Variants in PTPRD observed in about 807,000 individuals in gnomAD.
PTPRD encodes receptor-type tyrosine-protein phosphatase delta.
Under a neutral mutation model 214.5 loss-of-function variants are expected in PTPRD, and 34 were observed. That is an observed-to-expected ratio of 0.16 (90% CI 0.12 to 0.21). PTPRD has a LOEUF of 0.21. Among genes scored for constraint, PTPRD ranks in the 10% least tolerant of loss-of-function variants. PTPRD has a pLI of 1.00. For missense variants in PTPRD, 2,545 were observed against 2,398.7 expected (o/e 1.06, Z -1.27); for synonymous variants, 1,128 against 845.7 (o/e 1.33, Z -5.79).
At chr9:8,574,908 C>A (rs1051048566) in intron 14 of PTPRD, among the ~76,000 whole-genome samples, 1 of 151,642 alleles carries the variant, frequency 6.6e-6, no homozygotes, top group Non-Finnish European at 1.5e-5. Flanking sequence ...ATATGCATGC[C>A]CAAGAAGAAA....
intron 7 of PTPRD, among the ~76,000 whole-genome samples, chr9:9,592,269 A>G (rs1239626742): frequency 1.3e-5 from 2 of 152,064 alleles, no homozygotes; most frequent in Non-Finnish European, 2.9e-5. Context: ...GCTGTAGATG[A>G]GTTTGTGTGA....
intron 8 of PTPRD, among the ~76,000 whole-genome samples, chr9:9,556,329 C>G (rs1386675840): frequency 6.6e-6 from 1 of 152,034 alleles, no homozygotes; most frequent in African/African-American, 2.4e-5. Context: ...GTTGGTCTTG[C>G]TGTCTCAGGA....
intron 2 of PTPRD, among the ~76,000 whole-genome samples, chr9:10,478,128 C>G (rs1203986073): frequency 6.6e-6 from 1 of 150,868 alleles, no homozygotes; most frequent in Non-Finnish European, 1.5e-5. Flanking sequence ...ACATGTATCC[C>G]AGAACTTAAA....
chr9:9,789,877 A>C (rs1384088596), intron 5 of PTPRD, among the ~76,000 whole-genome samples: 1 of 152,014 alleles, frequency 6.6e-6, no homozygotes, highest in East Asian at 1.9e-4. Flanking sequence ...CTTAAGGTAA[A>C]CATTGTAGCT....
intron 5 of PTPRD, among the ~76,000 whole-genome samples, chr9:9,910,293 T>C (rs1025500277): frequency 2.6e-5 from 4 of 151,970 alleles, no homozygotes; most frequent in African/African-American, 9.7e-5. Flanking sequence ...TTTATGAACA[T>C]TTTTGCTGCT....
chr9:10,074,979 A>C (rs1294942091), intron 3 of PTPRD, among the ~76,000 whole-genome samples: 1 of 152,260 alleles, frequency 6.6e-6, no homozygotes, highest in South Asian at 2.1e-4. Flanking sequence ...CCTTTCAATA[A>C]GTGAGGAGAT....
intron 5 of PTPRD, among the ~76,000 whole-genome samples, chr9:9,772,184 G>A (rs377565595): frequency 2.6e-5 from 4 of 152,050 alleles, no homozygotes; most frequent in African/African-American, 4.8e-5. Flanking sequence ...AGAACACAGC[G>A]AGAGATACAC....
At chr9:10,150,524 G>A (rs1254165861) in intron 3 of PTPRD, among the ~76,000 whole-genome samples, 2 of 151,976 alleles carry the variant, frequency 1.3e-5, no homozygotes, top group African/African-American at 2.4e-5. Context: ...GGCAGGAGGA[G>A]GGGGGAGGGA....
chr9:9,742,998 T>C (rs1042477823), intron 6 of PTPRD, among the ~76,000 whole-genome samples: 39 of 152,302 alleles, frequency 2.6e-4, no homozygotes, highest in African/African-American at 9.4e-4. Context: ...TTCTATGTCA[T>C]ACCAATTACT....
At chr9:9,425,868 T>C (rs966835471) in intron 8 of PTPRD, among the ~76,000 whole-genome samples, 2 of 150,930 alleles carry the variant, frequency 1.3e-5, no homozygotes, top group South Asian at 2.1e-4. Context: ...ATAATAATAA[T>C]GTGAAGAAAA....
intron 11 of PTPRD, among the ~76,000 whole-genome samples, chr9:8,953,429 T>C (rs74372073): frequency 0.02 from 3,026 of 151,966 alleles, 105 homozygotes; most frequent in African/African-American, 0.067. Flanking sequence ...CCCTTCTTGA[T>C]ATCAGCCTTG....
chr9:9,489,635 A>G (rs921372705), intron 8 of PTPRD, among the ~76,000 whole-genome samples: 5 of 152,102 alleles, frequency 3.3e-5, no homozygotes, highest in Non-Finnish European at 5.9e-5. Context: ...TAAAAAAAGG[A>G]TATAGAGGGC....
At chr9:10,233,007 A>G (rs906742045) in intron 3 of PTPRD, among the ~76,000 whole-genome samples, 3 of 152,068 alleles carry the variant, frequency 2.0e-5, no homozygotes, top group Non-Finnish European at 4.4e-5. Context: ...AACAAGCATC[A>G]GGAATGTGTC....
chr9:10,361,483 G>T (rs1029599073), intron 2 of PTPRD, among the ~76,000 whole-genome samples: 1 of 152,058 alleles, frequency 6.6e-6, no homozygotes, highest in East Asian at 1.9e-4. Flanking sequence ...TGGACAGTTG[G>T]GTGTGGGGCA....
At chr9:8,464,636 G>T (rs987936082) in intron 32 of PTPRD, among the ~76,000 whole-genome samples, 2 of 151,416 alleles carry the variant, frequency 1.3e-5, no homozygotes, top group Admixed American at 6.6e-5. Flanking sequence ...AGAAAACGAA[G>T]TTTATAATAT....
chr9:8,716,112 C>T (rs1250139749), intron 12 of PTPRD, among the ~76,000 whole-genome samples: 3 of 152,152 alleles, frequency 2.0e-5, no homozygotes, highest in South Asian at 2.1e-4. Context: ...TTGCGAAAAC[C>T]GCAATTACCT....
At chr9:8,379,303 T>G (rs1054591784) in intron 37 of PTPRD, among the ~76,000 whole-genome samples, 18 of 152,166 alleles carry the variant, frequency 1.2e-4, no homozygotes, top group Admixed American at 8.5e-4. Flanking sequence ...ATCTGAATAG[T>G]GACAGCAATA....
chr9:10,500,065 A>G (rs1164672321), intron 2 of PTPRD, among the ~76,000 whole-genome samples: 1 of 147,584 alleles, frequency 6.8e-6, no homozygotes, highest in Non-Finnish European at 1.5e-5. Context: ...ATATTTTTCT[A>G]TTTTAAATCA....
intron 7 of PTPRD, among the ~76,000 whole-genome samples, chr9:9,586,048 A>G (rs1264918504): frequency 2.0e-5 from 3 of 152,040 alleles, no homozygotes; most frequent in African/African-American, 7.2e-5. Context: ...AAATGTCCCC[A>G]ACATCCTGGC....
Sources: allele counts gnomAD v4.1 joint callset (sites outside exome capture counted in the v4.1 genomes callset), GRCh38; gene constraint gnomAD v4.1.1; transcripts MANE v1.5; gene names NCBI Gene and HGNC (gene_info 2026-07-23, HGNC 2026-07-21).